LAMC3: variants seen among roughly 807,000 people sequenced by gnomAD.
The protein encoded by LAMC3 is laminin subunit gamma-3.
LAMC3 carries 128 observed loss-of-function variants against 173.8 expected under a neutral mutation model. That is an observed-to-expected ratio of 0.74 (90% CI 0.64 to 0.85). The LOEUF (loss-of-function observed/expected upper bound fraction) is 0.85, where lower values mean the gene tolerates loss of function less well. Among genes scored for constraint, LAMC3 ranks in the 40% least tolerant of loss-of-function variants. The pLI, the probability that LAMC3 is intolerant of heterozygous loss-of-function variation, is 0.00. For synonymous variants in LAMC3, 897 were observed against 909.1 expected (o/e 0.99, Z 0.24); for missense variants, 2,022 against 2,156.0 (o/e 0.94, Z 1.23).
chr9:131,083,146 G>A (rs1174766908), intron 24 of LAMC3, among the ~76,000 whole-genome samples: 3 of 152,170 alleles, frequency 2.0e-5, no homozygotes, highest in Admixed American at 1.3e-4. Flanking sequence ...AGGTCTTAAG[G>A]TCATCTGCTG....
intron 1 of LAMC3, among the ~76,000 whole-genome samples, chr9:131,011,263 G>A (rs999066578): frequency 6.6e-6 from 1 of 152,206 alleles, no homozygotes; most frequent in East Asian, 1.9e-4. Context: ...TGGAGCCTAG[G>A]AGTTTGGATT....
chr9:131,081,965 G>C (rs574986363), intron 23 of LAMC3, 94 bp from the exon 24 acceptor site: 3 of 830,452 alleles, frequency 3.6e-6, no homozygotes, highest in Non-Finnish European at 4.1e-6. Flanking sequence ...TGATGATTTG[G>C]GCACCCATGT....
chr9:131,066,242 G>A (rs1184512671), intron 13 of LAMC3, among the ~76,000 whole-genome samples: 1 of 151,920 alleles, frequency 6.6e-6, no homozygotes, highest in Non-Finnish European at 1.5e-5. Context: ...TGTAATTCCA[G>A]CACTTTGGGA....
chr9:131,068,575 A>G (rs1257357472), intron 15 of LAMC3, among the ~76,000 whole-genome samples: 1 of 150,418 alleles, frequency 6.6e-6, no homozygotes, highest in Non-Finnish European at 1.5e-5. Flanking sequence ...GACTCCAGGG[A>G]AACACCAAGT....
At chr9:131,023,457 A>G (rs530579329) in intron 1 of LAMC3, among the ~76,000 whole-genome samples, 2 of 152,282 alleles carry the variant, frequency 1.3e-5, no homozygotes, top group Non-Finnish European at 1.5e-5. Context: ...ACCTCTGTTC[A>G]TGCTACCCAG....
intron 12 of LAMC3, among the ~76,000 whole-genome samples, chr9:131,057,685 G>A (rs1474176985): frequency 1.3e-5 from 2 of 152,170 alleles, no homozygotes; most frequent in East Asian, 3.8e-4. Context: ...TCTTCTGTAA[G>A]GTGGAGATAA....
chr9:131,093,713 G>A lies in LAMC3; in HGVS notation c.*1926G>A, dbSNP rs1003386471. The A allele has an allele frequency of 6.6e-6, 1 of 152,272 alleles. No individual in the cohort carries two copies. The highest frequency in any genetic ancestry group is 2.4e-5 in the African/African-American group (1 of 41,446). 9.4% of individuals were successfully genotyped at this position (152,272 alleles called of 1,614,324 possible). On this transcript the variant is annotated 3_prime_UTR_variant, in exon 28 of 28. Coordinates refer to ENST00000361069, the MANE Select transcript of LAMC3 (RefSeq NM_006059.4). Reference sequence around the variant, plus strand: ...AGATAGCCTAGGGAGGGGAGCCTGAGGCTTCCGGGATAGGTTGGCTTCCCT... The same window carrying A: ...AGATAGCCTAGGGAGGGGAGCCTGAAGCTTCCGGGATAGGTTGGCTTCCCT...
intron 4 of LAMC3, among the ~76,000 whole-genome samples, chr9:131,038,421 T>A (rs1833983565): frequency 1.3e-5 from 2 of 152,152 alleles, no homozygotes; most frequent in South Asian, 4.1e-4. Context: ...AATGATTTAA[T>A]GGGGGAAATG....
chr9:131,063,222 G>T (rs1829864401), intron 13 of LAMC3, among the ~76,000 whole-genome samples: 1 of 152,246 alleles, frequency 6.6e-6, no homozygotes, highest in Non-Finnish European at 1.5e-5. Flanking sequence ...GAGGGATGGA[G>T]ATTGCACTGC....
chr9:131,055,638 G>A (rs1834389755), intron 11 of LAMC3, among the ~76,000 whole-genome samples: 1 of 150,352 alleles, frequency 6.7e-6, no homozygotes, highest in South Asian at 2.1e-4. Context: ...TGTTAGCCAG[G>A]ATGGTCTCGA....
rs1830052848 is a variant in LAMC3, at chr9:131,072,569, T to TG, written c.3212-56dup. 5.6e-6 allele frequency: 8 copies of TG among 1,427,456 alleles called. No homozygotes were observed. In the South Asian group the frequency reaches 8.5e-5, roughly 15 times the overall value. The allele number at this position is 1,427,456 out of a possible 1,614,324, so 88.4% of individuals were successfully genotyped here. A position where few individuals can be genotyped will look rare whatever the true frequency, so the allele number is the denominator to read the frequency against. ...GGCCACAGAAGGGGACCCCTGGGGG[T>TG]GGGGGCTTTTGTGTGACATCTCCAC... is the stretch of plus-strand genomic sequence containing the variant. On this transcript the variant is annotated intron_variant, in intron 18 of 27. Transcript: ENST00000361069.
At position 131,041,623 on chromosome 9, in the gene LAMC3, T is replaced by C. The variant is rs1834058609; in HGVS notation, c.1284-14T>C. On this transcript the variant is annotated splice_polypyrimidine_tract_variant and intron_variant, in intron 6 of 27. Coordinates refer to ENST00000361069, the MANE Select transcript of LAMC3 (RefSeq NM_006059.4). ...CTCATTGCACATTTTCCTCTTGTCC[T>C]GTCTCATTGGCAGACCCTGCACTTG... The C allele has an allele frequency of 5.6e-6, 9 of 1,612,542 alleles. No homozygotes were observed. The highest frequency in any genetic ancestry group is 3.3e-5 in the Admixed American group (2 of 59,946).
chr9:131,013,339 C>T (rs537497772), intron 1 of LAMC3, among the ~76,000 whole-genome samples: 21 of 152,234 alleles, frequency 1.4e-4, no homozygotes, highest in Non-Finnish European at 2.5e-4. Context: ...GGGGGAGTCT[C>T]CTCCCGGCTT....
intron 12 of LAMC3, among the ~76,000 whole-genome samples, chr9:131,059,152 C>T (rs781682240): frequency 3.3e-5 from 5 of 151,252 alleles, no homozygotes; most frequent in East Asian, 1.9e-4. Context: ...GCCGGGATCG[C>T]GCCGCTGCAC....
intron 1 of LAMC3, among the ~76,000 whole-genome samples, chr9:131,010,067 T>C (rs1833384533): frequency 6.9e-6 from 1 of 145,288 alleles, no homozygotes; most frequent in Admixed American, 7.1e-5. Flanking sequence ...GGCAGGAGAA[T>C]CGCTTGAACC....
intron 1 of LAMC3, among the ~76,000 whole-genome samples, chr9:131,023,490 T>A (rs1564364809): frequency 6.6e-6 from 1 of 152,272 alleles, no homozygotes; most frequent in African/African-American, 2.4e-5. Flanking sequence ...GAAGGAAATC[T>A]CATTCTGGTT....
At chr9:131,035,216 C>T (rs1002200770) in intron 3 of LAMC3, among the ~76,000 whole-genome samples, 1 of 152,146 alleles carries the variant, frequency 6.6e-6, no homozygotes, top group Non-Finnish European at 1.5e-5. Flanking sequence ...TCCCAAAGTG[C>T]TGGGATTACA....
intron 13 of LAMC3, among the ~76,000 whole-genome samples, 154 bp from the exon 14 acceptor site, chr9:131,066,806 G>A: frequency 6.6e-6 from 1 of 152,206 alleles, no homozygotes; most frequent in East Asian, 1.9e-4. Flanking sequence ...CCACACAGCT[G>A]TGGGCAGCCA....
intron 4 of LAMC3, among the ~76,000 whole-genome samples, chr9:131,037,294 G>T (rs565294111): frequency 1.2e-3 from 177 of 152,194 alleles, no homozygotes; most frequent in Non-Finnish European, 1.7e-3. Flanking sequence ...CAGCCTGGGA[G>T]CCAGGGTTTC....
Sources: gnomAD v4.1 joint callset for allele counts (sites outside exome capture counted in the v4.1 genomes callset) on GRCh38, gnomAD v4.1.1 for gene constraint, MANE v1.5 for transcripts, NCBI Gene and HGNC (gene_info 2026-07-23, HGNC 2026-07-21) for gene names.